The following GSE1 variants were observed in gnomAD, a reference collection of about 807,000 sequenced individuals.
GSE1 encodes Gse1 coiled-coil protein.
Under a neutral mutation model 112.6 loss-of-function variants are expected in GSE1, and 32 were observed. The ratio of observed to expected loss-of-function variants is 0.28; its 90% CI spans 0.21 to 0.38. The LOEUF (loss-of-function observed/expected upper bound fraction) is 0.38. Among genes scored for constraint, GSE1 ranks in the 10% least tolerant of loss-of-function variants. GSE1 has a pLI of 1.00. For missense variants in GSE1, 2,348 were observed against 1,699.2 expected, an observed-to-expected ratio of 1.38 and a Z score of -6.71; for synonymous variants, 1,115 against 735.6, an observed-to-expected ratio of 1.52 and a Z score of -8.35.
intron 1 of GSE1, among the ~76,000 whole-genome samples, chr16:85,301,966 C>T (rs2045538376): frequency 6.6e-6 from 1 of 152,174 alleles, no homozygotes; most frequent in Non-Finnish European, 1.5e-5. Flanking sequence ...GGAAGATGGC[C>T]CTGTCCACCC....
chr16:85,523,204 G>A (rs528307814), intron 2 of GSE1, among the ~76,000 whole-genome samples: 4 of 151,426 alleles, frequency 2.6e-5, no homozygotes, highest in South Asian at 2.1e-4. Flanking sequence ...GTGTGTGCAC[G>A]TGTGCCTGTG....
intron 2 of GSE1, among the ~76,000 whole-genome samples, chr16:85,459,533 C>A (rs2049918592): frequency 6.6e-6 from 1 of 152,206 alleles, no homozygotes; most frequent in Admixed American, 6.5e-5. Flanking sequence ...AAAGCACAAA[C>A]CACTCAGCTG....
chr16:85,556,703 C>G (rs1384886726), intron 1 of GSE1, among the ~76,000 whole-genome samples: 2 of 150,504 alleles, frequency 1.3e-5, no homozygotes, highest in Non-Finnish European at 3.0e-5. Context: ...AAGTAAGCGC[C>G]GAGTGTGAAG....
At chr16:85,584,598 C>T (rs756586574) in intron 1 of GSE1, among the ~76,000 whole-genome samples, 52 of 152,290 alleles carry the variant, frequency 3.4e-4, no homozygotes, top group Non-Finnish European at 6.2e-4. Flanking sequence ...TCTCCCCGCA[C>T]GCGTTCTTTC....
chr16:85,444,366 G>T (rs1427125376), intron 2 of GSE1, among the ~76,000 whole-genome samples: 3 of 152,200 alleles, frequency 2.0e-5, no homozygotes, highest in Non-Finnish European at 4.4e-5. Flanking sequence ...GAAGGGCTTT[G>T]TCCAGGGAGG....
chr16:85,473,006 C>G (rs1337015316), intron 2 of GSE1, among the ~76,000 whole-genome samples: 2 of 152,256 alleles, frequency 1.3e-5, no homozygotes, highest in Admixed American at 6.5e-5. Flanking sequence ...GCGAGGGAGG[C>G]TGAGGAGTTT....
intron 2 of GSE1, among the ~76,000 whole-genome samples, chr16:85,485,693 C>T (rs1330042367): frequency 6.6e-6 from 1 of 152,260 alleles, no homozygotes; most frequent in Non-Finnish European, 1.5e-5. Flanking sequence ...AGGTGGGCGC[C>T]GAGGCGGCCG....
intron 2 of GSE1, among the ~76,000 whole-genome samples, chr16:85,404,830 CT>C (rs1216024193): frequency 2.2e-4 from 8 of 35,960 alleles, no homozygotes; most frequent in African/African-American, 3.9e-4. Context: ...TCAGGCCCCC[CT>C]GGATAATCCT....
At chr16:85,555,728 A>G, upstream of GSE1, 2 of 973,926 alleles carry the variant, frequency 2.1e-6, no homozygotes, top group Non-Finnish European at 2.4e-6. Flanking sequence ...TGTTGGAAAC[A>G]GGTCTCTTGA....
Position 85,665,098 on chromosome 16 carries a change from C to T in GSE1, c.2728C>T (p.Pro910Ser), listed in dbSNP as rs749360162. Residue 910 changes from proline (P) to serine (S), a missense_variant, in exon 12 of 16, where the codon CCG (proline) becomes TCG (serine). Pro to Ser is a moderately conservative substitution (Grantham distance 74, BLOSUM62 -1). Transcript: ENST00000253458. ...AAVADSLTNS[P>S]RDSPAVSLSE... is the part of the protein sequence containing the mutation. ...AGTGGCCGACTCCTTGACAAACTCT[C>T]CGAGGGACAGTCCTGCCGTCTCCCT... 30 of 1,609,970 alleles carry T rather than the reference C, an allele frequency of 1.9e-5. 1 individual carries two copies. The South Asian group carries it at 3.0e-4, about 16-fold the overall frequency.
intron 1 of GSE1, among the ~76,000 whole-genome samples, chr16:85,340,712 G>A (rs993209022): frequency 1.3e-5 from 2 of 152,186 alleles, no homozygotes; most frequent in Non-Finnish European, 2.9e-5. Flanking sequence ...TGTGTGTGGT[G>A]CGTTCCTAGC....
chr16:85,365,242 A>G (rs1046218369), intron 2 of GSE1, among the ~76,000 whole-genome samples: 3 of 152,218 alleles, frequency 2.0e-5, no homozygotes, highest in Non-Finnish European at 4.4e-5. Flanking sequence ...CCAGCCTTAG[A>G]GATCACGGCG....
upstream of GSE1, among the ~76,000 whole-genome samples, chr16:85,612,425 C>A (rs1260557369): frequency 6.6e-6 from 1 of 152,082 alleles, no homozygotes; most frequent in East Asian, 1.9e-4. Context: ...TGCGCTGGGG[C>A]CAGAAGCGCA....
intron 2 of GSE1, among the ~76,000 whole-genome samples, chr16:85,480,583 AATCACATGGCCC>A (rs1384834163): frequency 1.1e-4 from 17 of 152,148 alleles, no homozygotes; most frequent in Admixed American, 1.0e-3. Context: ...ACCCAGAACA[AATCACATGGCCC>A]ATCGGACCTG....
intron 2 of GSE1, among the ~76,000 whole-genome samples, chr16:85,519,604 C>T (rs371562637): frequency 6.9e-6 from 1 of 145,708 alleles, no homozygotes; most frequent in Non-Finnish European, 1.5e-5. Context: ...ACCTTCACCA[C>T]CATCATCACC....
rs936533032 is a variant in GSE1 at position 85,600,028 on chromosome 16, G to A, written c.37+43665G>A. 1.1e-4 allele frequency among the ~76,000 whole-genome samples: 16 copies of A among 152,340 alleles called. No homozygotes were observed. In the South Asian group the frequency reaches 2.7e-3, roughly 26 times the overall value. On this transcript the variant is annotated intron_variant, in intron 1 of 2. Coordinates refer to the GSE1 transcript ENST00000635906. ...CCTCCTGTGTGAGCCCCTTGAAGCC[G>A]TGCCTGGCTACCCCTCTGGGTCTCT...
intron 1 of GSE1, among the ~76,000 whole-genome samples, chr16:85,205,089 G>A (rs1050185541): frequency 4.6e-5 from 7 of 152,244 alleles, no homozygotes; most frequent in South Asian, 4.1e-4. Context: ...CTGAAGAGGT[G>A]AATGCTGTCA....
chr16:85,398,554 T>G (rs1019999700), intron 2 of GSE1, among the ~76,000 whole-genome samples: 2 of 152,128 alleles, frequency 1.3e-5, no homozygotes, highest in Non-Finnish European at 2.9e-5. Context: ...GTGGGAGAAC[T>G]GCCTAGGACA....
rs544971639 is a variant in GSE1, at chr16:85,284,753, G to A, written c.2284-72710G>A. ...GGAATACTAAGGGGAAGGCTGTCAG[G>A]TGCGGGCGGGGCTGGCACACACAGC... On this transcript the variant is annotated intron_variant, in intron 1 of 2. Transcript: ENST00000637419. Among the ~76,000 whole-genome samples, 30 of 152,250 alleles carry A rather than the reference G, an allele frequency of 2.0e-4. No homozygotes were observed. In the South Asian group the frequency reaches 6.2e-3, roughly 32 times the overall value.
Sources: allele counts gnomAD v4.1 joint callset (sites outside exome capture counted in the v4.1 genomes callset), GRCh38; gene constraint gnomAD v4.1.1; transcripts MANE v1.5; gene names NCBI Gene and HGNC (gene_info 2026-07-23, HGNC 2026-07-21).